Variants in RBFOX1 observed in about 807,000 individuals in gnomAD.
RBFOX1 encodes the protein RNA binding protein fox-1 homolog 1.
In RBFOX1, 8 loss-of-function variants were observed where a neutral mutation model predicts 57.7. The ratio of observed to expected loss-of-function variants is 0.14; its 90% CI spans 0.08 to 0.25. The LOEUF (loss-of-function observed/expected upper bound fraction) is 0.25, where lower values mean the gene tolerates loss of function less well. RBFOX1 is among the 10% of genes least tolerant of loss of function. The pLI is 1.00. For missense variants in RBFOX1, 611 were observed against 548.5 expected (o/e 1.11, Z -1.14); for synonymous variants, 326 against 222.4 (o/e 1.47, Z -4.15).
At chr16:5,729,348 C>T (rs975641785) in intron 3 of RBFOX1, among the ~76,000 whole-genome samples, 2 of 149,520 alleles carry the variant, frequency 1.3e-5, no homozygotes, top group South Asian at 2.1e-4. Context: ...AAGCATTTTG[C>T]AATTCCTCAA....
At chr16:5,591,494 G>T (rs1042274256) in intron 2 of RBFOX1, among the ~76,000 whole-genome samples, 1 of 152,060 alleles carries the variant, frequency 6.6e-6, no homozygotes, top group South Asian at 2.1e-4. Context: ...CAGGTGATCT[G>T]CCTGACTCAG....
intron 4 of RBFOX1, among the ~76,000 whole-genome samples, chr16:7,364,854 G>A (rs540928880): frequency 6.6e-6 from 1 of 152,300 alleles, no homozygotes; most frequent in African/African-American, 2.4e-5. Context: ...TTACTAACAA[G>A]GAAGAGACAA....
intron 2 of RBFOX1, among the ~76,000 whole-genome samples, chr16:6,384,461 C>G (rs1471278572): frequency 6.6e-6 from 1 of 152,064 alleles, no homozygotes; most frequent in Non-Finnish European, 1.5e-5. Context: ...TTTTTTTTCC[C>G]TCCCAGAAGG....
At chr16:7,273,251 T>TTCCC (rs2095372384) in intron 4 of RBFOX1, among the ~76,000 whole-genome samples, 1 of 139,652 alleles carries the variant, frequency 7.2e-6, no homozygotes, top group Admixed American at 7.2e-5. Context: ...CCTTCCTTCC[T>TTCCC]TCCTTCCTTC....
chr16:7,484,809 T>G (rs542420236), intron 4 of RBFOX1, among the ~76,000 whole-genome samples: 1 of 152,204 alleles, frequency 6.6e-6, no homozygotes, highest in Admixed American at 6.5e-5. Flanking sequence ...TATATTGTTA[T>G]GTATCTAACT....
chr16:5,374,788 A>C (rs190108889), intron 1 of RBFOX1, among the ~76,000 whole-genome samples: 4 of 151,994 alleles, frequency 2.6e-5, no homozygotes, highest in Non-Finnish European at 4.4e-5. Flanking sequence ...AAAACGATAT[A>C]ATATTCACAT....
chr16:5,716,727 T>C (rs1029152048), intron 3 of RBFOX1, among the ~76,000 whole-genome samples: 1 of 152,230 alleles, frequency 6.6e-6, no homozygotes, highest in Non-Finnish European at 1.5e-5. Context: ...GGTGTCCATG[T>C]GTCTTTATAG....
chr16:6,995,109 G>A (rs556793441), intron 3 of RBFOX1, among the ~76,000 whole-genome samples: 1 of 152,174 alleles, frequency 6.6e-6, no homozygotes, highest in Non-Finnish European at 1.5e-5. Flanking sequence ...AACAACCATA[G>A]TCTGTTATCT....
intron 3 of RBFOX1, among the ~76,000 whole-genome samples, chr16:6,982,883 C>A (rs752528903): frequency 1.4e-5 from 2 of 147,322 alleles, no homozygotes; most frequent in Non-Finnish European, 3.0e-5. Context: ...ATCCAAGATA[C>A]TTGGGAGGCT....
intron 1 of RBFOX1, among the ~76,000 whole-genome samples, chr16:6,164,156 C>G (rs1342771884): frequency 1.3e-5 from 2 of 152,156 alleles, no homozygotes; most frequent in African/African-American, 4.8e-5. Flanking sequence ...CATTAATCAT[C>G]ATCCAAAGAC....
intron 1 of RBFOX1, among the ~76,000 whole-genome samples, chr16:6,315,528 A>C (rs2080985327): frequency 8.2e-6 from 1 of 122,308 alleles, no homozygotes; most frequent in Non-Finnish European, 1.7e-5. Context: ...TGGGTGGGTG[A>C]GTACATGGAT....
At chr16:6,252,330 G>A (rs774470225) in intron 1 of RBFOX1, among the ~76,000 whole-genome samples, 2 of 152,086 alleles carry the variant, frequency 1.3e-5, no homozygotes, top group Non-Finnish European at 2.9e-5. Context: ...CTATTTCGAG[G>A]ATCTGAAATT....
intron 3 of RBFOX1, among the ~76,000 whole-genome samples, chr16:6,799,427 A>G (rs1048690814): frequency 4.6e-5 from 7 of 152,160 alleles, no homozygotes; most frequent in Admixed American, 2.0e-4. Flanking sequence ...GTTATTCGCA[A>G]ACTTTCTGGA....
intron 2 of RBFOX1, among the ~76,000 whole-genome samples, chr16:6,420,130 T>C (rs191783394): frequency 5.9e-5 from 9 of 152,288 alleles, no homozygotes; most frequent in African/African-American, 2.2e-4. Flanking sequence ...CTCAGTGTCC[T>C]TTTCTCCCGT....
intron 2 of RBFOX1, among the ~76,000 whole-genome samples, chr16:6,502,719 A>G (rs1224836601): frequency 6.6e-6 from 1 of 152,090 alleles, no homozygotes; most frequent in South Asian, 2.1e-4. Flanking sequence ...CCGGACCCCT[A>G]TGTAGGACTC....
chr16:7,168,057 C>T (rs377397628), intron 4 of RBFOX1, among the ~76,000 whole-genome samples: 1 of 152,086 alleles, frequency 6.6e-6, no homozygotes, highest in African/African-American at 2.4e-5. Flanking sequence ...AGAGGAAAAA[C>T]ATGAAATGTT....
intron 1 of RBFOX1, among the ~76,000 whole-genome samples, chr16:6,126,473 A>G (rs1158271749): frequency 2.0e-5 from 3 of 152,154 alleles, no homozygotes; most frequent in Non-Finnish European, 4.4e-5. Flanking sequence ...GTCCCATTTT[A>G]GAAGAAGGAA....
At chr16:6,859,994 A>G (rs2058714703) in intron 3 of RBFOX1, among the ~76,000 whole-genome samples, 1 of 152,190 alleles carries the variant, frequency 6.6e-6, no homozygotes, top group Admixed American at 6.5e-5. Flanking sequence ...GTTTTTGCTC[A>G]TTGACTGTAA....
intron 4 of RBFOX1, among the ~76,000 whole-genome samples, chr16:7,192,930 C>T (rs546434944): frequency 6.6e-6 from 1 of 152,178 alleles, no homozygotes; most frequent in Admixed American, 6.5e-5. Context: ...ATGTAAAAAG[C>T]AGAGAGAAAG....
Sources: allele counts gnomAD v4.1 joint callset (sites outside exome capture counted in the v4.1 genomes callset), GRCh38; gene constraint gnomAD v4.1.1; transcripts MANE v1.5; gene names NCBI Gene and HGNC (gene_info 2026-07-23, HGNC 2026-07-21).